Variants in COL18A1 observed in about 807,000 individuals in gnomAD.
The protein encoded by COL18A1 is collagen type XVIII alpha 1 chain.
Under a neutral mutation model 168.0 loss-of-function variants are expected in COL18A1, and 133 were observed. The ratio of observed to expected loss-of-function variants is 0.79; its 90% CI spans 0.69 to 0.91. The LOEUF (loss-of-function observed/expected upper bound fraction) is 0.91. COL18A1 is among the 40% of genes least tolerant of loss of function. The probability of loss-of-function intolerance (pLI) is 0.00; values close to 1 mark genes in which losing one functional copy is unlikely to be tolerated. For synonymous variants in COL18A1, 949 were observed against 809.0 expected, an observed-to-expected ratio of 1.17 and a Z score of -2.94; for missense variants, 2,126 against 1,925.4, an observed-to-expected ratio of 1.10 and a Z score of -1.95.
Position 45,509,602 on chromosome 21 carries a change from G to A in COL18A1, c.3495+1G>A, listed in dbSNP as rs2037450344. On this transcript the variant is annotated splice_donor_variant, in intron 39 of 41. Coordinates refer to ENST00000651438, the MANE Select transcript of COL18A1 (RefSeq NM_001379500.1). LOFTEE classifies it high-confidence loss of function. ...CAGCCACCGCGACTTCCAGCCGGTGGTGAGTGCCCCCCCAAAGTGGGCTTG... is the reference window on the plus strand; with the variant it reads ...CAGCCACCGCGACTTCCAGCCGGTGATGAGTGCCCCCCCAAAGTGGGCTTG... The A allele has an allele frequency of 6.9e-7, 1 of 1,453,228 alleles. No homozygotes were observed. Among genetic ancestry groups the A allele is most frequent in the Non-Finnish European group, 9.2e-7 (1 of 1,090,958 alleles). 90.0% of individuals were successfully genotyped at this position (1,453,228 alleles called of 1,614,324 possible).
rs1487856626 is a variant in COL18A1, at chr21:45,423,342, G to A, written c.106+17869G>A. Among the ~76,000 whole-genome samples, 3 of 152,176 alleles carry A rather than the reference G, an allele frequency of 2.0e-5. No individual in the cohort carries two copies. Among genetic ancestry groups the A allele is most frequent in the Admixed American group, 6.5e-5 (1 of 15,286 alleles). ...GTTGGCCAGCTGCCCTTGCTGTGCT[G>A]GGGTACATTCCCCGAGCTTCCACAG... On this transcript the variant is annotated intron_variant, in intron 2 of 41. Coordinates refer to ENST00000651438, the MANE Select transcript of COL18A1 (RefSeq NM_001379500.1). This position sits in a 1 kb window ranked among gnomAD's most constrained non-coding sequence, Gnocchi z 4.0.
chr21:45,511,507 C>T (rs1168972933), intron 41 of COL18A1, among the ~76,000 whole-genome samples: 1 of 152,148 alleles, frequency 6.6e-6, no homozygotes, highest in Non-Finnish European at 1.5e-5. Context: ...CCGGATGTCA[C>T]CAAGCCTGTG....
At chr21:45,437,599 C>A (rs564991525) in intron 2 of COL18A1, among the ~76,000 whole-genome samples, 1 of 82,588 alleles carries the variant, frequency 1.2e-5, no homozygotes, top group African/African-American at 8.4e-5. Flanking sequence ...CACACTCACA[C>A]ACTCAGACAC....
intron 30 of COL18A1, 78 bp from the exon 31 acceptor site, chr21:45,496,972 G>A: frequency 6.2e-6 from 6 of 971,026 alleles, no homozygotes; most frequent in South Asian, 1.3e-5. Context: ...GTGCTTCTGG[G>A]CTTGGGGACC....
Position 45,468,365 on chromosome 21 carries a change from G to T in COL18A1, c.230G>T (p.Gly77Val). The T allele has an allele frequency of 6.2e-7, 1 of 1,613,804 alleles. No individual in the cohort carries two copies. The highest frequency in any genetic ancestry group is 8.5e-7 in the Non-Finnish European group (1 of 1,180,046). Residue 77 changes from glycine (G) to valine (V), a missense_variant, in exon 3 of 42, where the codon GGC becomes GTC. Coordinates refer to ENST00000651438, the MANE Select transcript of COL18A1 (RefSeq NM_001379500.1). ...AYVFGPDANS[G>V]QVARYHFPSL... ...GTCTTTGGGCCAGATGCCAACAGTG[G>T]CCAAGTGGCCCGGTACCACTTCCCC... is the stretch of plus-strand genomic sequence containing the variant.
chr21:45,442,260 C>T (rs984579760), intron 2 of COL18A1, among the ~76,000 whole-genome samples: 1 of 152,230 alleles, frequency 6.6e-6, no homozygotes, highest in Non-Finnish European at 1.5e-5. Context: ...GTGCCCGTGC[C>T]TTGCTTTTTC....
At chr21:45,434,615 C>T (rs989014246) in intron 2 of COL18A1, among the ~76,000 whole-genome samples, 4 of 151,770 alleles carry the variant, frequency 2.6e-5, no homozygotes, top group African/African-American at 9.8e-5. Flanking sequence ...GAACCCAGTG[C>T]ATCTTCTCCT....
rs146523507 is a variant in COL18A1, at chr21:45,487,607, C to T, written c.1896+98C>T. ...GAGAGCCACCGGCCTTGCATGGGATCGGAAGCCGCCCTGCAGAGCCGTGAG... is the reference window on the plus strand; with the variant it reads ...GAGAGCCACCGGCCTTGCATGGGATTGGAAGCCGCCCTGCAGAGCCGTGAG... On this transcript the variant is annotated intron_variant, in intron 17 of 41. Coordinates refer to ENST00000651438, the MANE Select transcript of COL18A1 (RefSeq NM_001379500.1). The T allele has an allele frequency of 4.9e-4, 736 of 1,497,366 alleles. 2 individuals are homozygous for T. The African/African-American group carries it at 8.2e-3, about 17-fold the overall frequency. The allele number at this position is 1,497,366 out of a possible 1,614,324, so 92.8% of individuals were successfully genotyped here.
chr21:45,477,420 T>G lies in COL18A1; in HGVS notation c.938T>G (p.Leu313Arg). 1 of 1,612,950 alleles carries G rather than the reference T, an allele frequency of 6.2e-7. No individual in the cohort carries two copies. The change falls in exon 7 of 42, where the codon CTT becomes CGT. Residue 313 changes from leucine to arginine, a missense_variant. Physicochemically the swap from Leu to Arg is moderately radical, Grantham distance 102. Transcript: ENST00000651438. ...TTVASLGAQT[L>R]PGSDSVSTWD... ...CTGCTTCTCTTCCCAGCTCAGACAC[T>G]TCCTGGCTCAGATTCTGTCTCCACG...
chr21:45,484,651 C>G (rs547996265), intron 15 of COL18A1, among the ~76,000 whole-genome samples: 2 of 148,474 alleles, frequency 1.3e-5, no homozygotes, highest in African/African-American at 4.9e-5. Flanking sequence ...ACACGCATCT[C>G]TTATGTGCAC....
chr21:45,506,051 C>G (rs758092739), intron 37 of COL18A1, 85 bp downstream of exon 37: 26 of 1,600,746 alleles, frequency 1.6e-5, no homozygotes, highest in Non-Finnish European at 2.0e-5. Context: ...AGGCTCAGGC[C>G]CCGGACAGGG....
Position 45,509,592 on chromosome 21 carries a change from C to A in COL18A1, c.3486C>A (p.Phe1162Leu). ...TSPPAHSHRDFQPVLHLVALN... is the reference protein window; with the variant it reads ...TSPPAHSHRDLQPVLHLVALN... ...CACCCGCCCACAGCCACCGCGACTT[C>A]CAGCCGGTGGTGAGTGCCCCCCCAA... is the stretch of plus-strand genomic sequence containing the variant. Residue 1162 changes from phenylalanine (F) to leucine (L), a missense_variant, in exon 39 of 42, where the codon TTC becomes TTA. By Grantham distance (22) the Phe-to-Leu change is conservative. Coordinates refer to ENST00000651438, the MANE Select transcript of COL18A1 (RefSeq NM_001379500.1). 6.7e-6 allele frequency: 10 copies of A among 1,494,898 alleles called. No homozygotes were observed. Among genetic ancestry groups the A allele is most frequent in the Non-Finnish European group, 8.9e-6 (10 of 1,118,508 alleles). 92.6% of individuals were successfully genotyped at this position (1,494,898 alleles called of 1,614,324 possible).
At position 45,504,174 on chromosome 21, in the gene COL18A1, G is replaced by A. The variant is rs945458605; in HGVS notation, c.2727+120G>A. 2.1e-5 allele frequency: 26 copies of A among 1,217,712 alleles called. No individual in the cohort carries two copies. In the African/African-American group the frequency reaches 2.4e-4, roughly 11 times the overall value. The allele number at this position is 1,217,712 out of a possible 1,614,324, so 75.4% of individuals were successfully genotyped here. On this transcript the variant is annotated intron_variant, in intron 33 of 41. Transcript: ENST00000651438. ...CCCTTCCTGTTCAGCCCTGCGAGGGGCGCTGGCTCCAGAGGGTGTCGAGGG... is the reference window on the plus strand; with the variant it reads ...CCCTTCCTGTTCAGCCCTGCGAGGGACGCTGGCTCCAGAGGGTGTCGAGGG...
intron 2 of COL18A1, chr21:45,455,508 G>GCAGCTCCAGCCGCACTGCC (rs2145850420): frequency 6.2e-7 from 1 of 1,610,802 alleles, no homozygotes; most frequent in East Asian, 2.2e-5. Context: ...CCCGCCGCCC[G>GCAGCTCCAGCCGCACTGCC]CAGCTCCAGC....
chr21:45,406,156 C>T (rs1032011229), intron 2 of COL18A1, among the ~76,000 whole-genome samples: 3 of 152,240 alleles, frequency 2.0e-5, no homozygotes, highest in African/African-American at 4.8e-5. Context: ...AGTTCCCCAC[C>T]ACCTGCTAAC....
chr21:45,428,988 T>C (rs1370972267), intron 2 of COL18A1, among the ~76,000 whole-genome samples: 3 of 151,876 alleles, frequency 2.0e-5, no homozygotes, highest in Non-Finnish European at 4.4e-5. Flanking sequence ...CTATAACCTC[T>C]GCCTCCCAGG....
intron 9 of COL18A1, 97 bp downstream of exon 9, chr21:45,478,450 A>G (rs2035762531): frequency 2.0e-6 from 3 of 1,525,460 alleles, no homozygotes. Flanking sequence ...AACGCGACCC[A>G]GTGAGGAGAC....
chr21:45,439,636 G>A (rs1286002790), intron 2 of COL18A1, among the ~76,000 whole-genome samples: 1 of 152,208 alleles, frequency 6.6e-6, no homozygotes, highest in Non-Finnish European at 1.5e-5. Context: ...GCCAAGTCCT[G>A]TGCGCGGGGC....
chr21:45,455,507 C>T (rs1225278043), intron 2 of COL18A1: 9 of 1,610,850 alleles, frequency 5.6e-6, no homozygotes, highest in Middle Eastern at 1.9e-4. Flanking sequence ...TCCCGCCGCC[C>T]GCAGCTCCAG....
Sources: allele counts gnomAD v4.1 joint callset (sites outside exome capture counted in the v4.1 genomes callset), GRCh38; gene constraint gnomAD v4.1.1; non-coding constraint Gnocchi (gnomAD v3.1); transcripts MANE v1.5; gene names NCBI Gene and HGNC (gene_info 2026-07-23, HGNC 2026-07-21).